The following GREB1 variants were observed in gnomAD, a reference collection of about 807,000 sequenced individuals.
GREB1 encodes protein GREB1.
A neutral mutation model predicts 200.7 loss-of-function variants in GREB1; 106 were observed. The ratio of observed to expected loss-of-function variants is 0.53; its 90% CI spans 0.45 to 0.62. GREB1 has a LOEUF of 0.62. Ranked by LOEUF, GREB1 falls within the 20% of genes least tolerant of loss-of-function variation. The pLI is 0.00. For missense variants in GREB1, 2,243 were observed against 2,556.8 expected (o/e 0.88, Z 2.65); for synonymous variants, 1,132 against 1,092.4 (o/e 1.04, Z -0.72).
At chr2:11,515,070 CCT>C (rs1205152878) in intron 1 of GREB1, among the ~76,000 whole-genome samples, 1 of 151,390 alleles carries the variant, frequency 6.6e-6, no homozygotes, top group East Asian at 1.9e-4. Context: ...ATGTATCCAT[CCT>C]CTCATCTCTT....
intron 1 of GREB1, among the ~76,000 whole-genome samples, chr2:11,544,509 C>T (rs960060895): frequency 6.6e-6 from 1 of 152,188 alleles, no homozygotes; most frequent in African/African-American, 2.4e-5. Flanking sequence ...AGCCACTGCG[C>T]CCGGCCGAGC....
intron 1 of GREB1, among the ~76,000 whole-genome samples, chr2:11,513,929 C>G (rs971632941): frequency 2.6e-5 from 4 of 152,156 alleles, no homozygotes. Context: ...GCTAGGCTTC[C>G]GGGTTGTAGA....
At chr2:11,499,368 G>C (rs1419070642) in intron 1 of GREB1, among the ~76,000 whole-genome samples, 1 of 152,232 alleles carries the variant, frequency 6.6e-6, no homozygotes, top group African/African-American at 2.4e-5. Context: ...TTTTGTTTCC[G>C]CTGGTCAGCC....
chr2:11,614,982 C>T, intron 19 of GREB1, 109 bp from the exon 20 acceptor site: 1 of 816,680 alleles, frequency 1.2e-6, no homozygotes, highest in Admixed American at 1.9e-5. Context: ...TCCTTGGGTC[C>T]TCACCAGGAA....
At chr2:11,550,423 C>G (rs1192850026) in intron 1 of GREB1, among the ~76,000 whole-genome samples, 3 of 152,176 alleles carry the variant, frequency 2.0e-5, no homozygotes, top group African/African-American at 7.2e-5. Flanking sequence ...GTCAATTTCC[C>G]TGTTTTCACC....
intron 31 of GREB1, among the ~76,000 whole-genome samples, 174 bp from the exon 32 acceptor site, chr2:11,638,497 A>G (rs1337771228): frequency 6.6e-6 from 1 of 152,226 alleles, no homozygotes; most frequent in African/African-American, 2.4e-5. Context: ...TAAAACTTCC[A>G]GAATTTATTT....
At chr2:11,552,137 C>T (rs1171313733) in intron 1 of GREB1, among the ~76,000 whole-genome samples, 3 of 152,212 alleles carry the variant, frequency 2.0e-5, no homozygotes, top group Non-Finnish European at 2.9e-5. Context: ...CTAGTACAGC[C>T]AGGCTTTTGT....
At chr2:11,578,964 G>A (rs1031740076) in intron 6 of GREB1, among the ~76,000 whole-genome samples, 2 of 152,204 alleles carry the variant, frequency 1.3e-5, no homozygotes, top group African/African-American at 4.8e-5. Flanking sequence ...GAGGCAAGAG[G>A]TGACATTAGA....
intron 22 of GREB1, 108 bp downstream of exon 22, chr2:11,619,027 C>T: frequency 9.1e-7 from 1 of 1,103,194 alleles, no homozygotes; most frequent in Non-Finnish European, 1.2e-6. Flanking sequence ...CACTTTTCAC[C>T]CTTCCCGTGG....
chr2:11,591,177 C>A (rs1680693187), intron 10 of GREB1, among the ~76,000 whole-genome samples: 1 of 152,154 alleles, frequency 6.6e-6, no homozygotes, highest in Admixed American at 6.5e-5. Context: ...ATTTGATTAG[C>A]TAATTCAAGT....
Position 11,580,653 on chromosome 2 carries a change from C to G in GREB1, c.773-51C>G. 2 of 1,547,774 alleles carry G rather than the reference C, an allele frequency of 1.3e-6. No homozygotes were observed. The highest frequency in any genetic ancestry group is 2.5e-5 in the South Asian group (2 of 80,002). On this transcript the variant is annotated intron_variant, in intron 6 of 32. Transcript: ENST00000381486. This position sits in a 1 kb window ranked among gnomAD's most constrained non-coding sequence, Gnocchi z 4.5. ...AATGATTTCCTCCTTGCCTGGCTCC[C>G]AGGGCATTCTTGTGAACTGACCCTC...
chr2:11,562,980 C>CTTTCTTTTT (rs1553356357), intron 3 of GREB1: 1 of 147,964 alleles, frequency 6.8e-6, no homozygotes, highest in African/African-American at 2.5e-5. Context: ...TTCTTTCTTT[C>CTTTCTTTTT]TTTTTTTTTT....
At chr2:11,612,410 T>C in intron 18 of GREB1, 85 bp from the exon 19 acceptor site, 1 of 1,492,192 alleles carries the variant, frequency 6.7e-7, no homozygotes, top group Non-Finnish European at 9.1e-7. Flanking sequence ...TTTAAATTGG[T>C]GTGGGAGGCC....
chr2:11,498,567 A>G (rs1205269232), intron 1 of GREB1, among the ~76,000 whole-genome samples: 1 of 152,176 alleles, frequency 6.6e-6, no homozygotes, highest in Non-Finnish European at 1.5e-5. Flanking sequence ...GGACACCGTG[A>G]GTCAGAACTG....
chr2:11,524,256 GA>G (rs1177694924), intron 1 of GREB1, among the ~76,000 whole-genome samples: 1 of 152,232 alleles, frequency 6.6e-6, no homozygotes. Context: ...TCAACAGTCT[GA>G]AGGAGGTGGG....
Position 11,578,385 on chromosome 2 carries a change from C to T in GREB1, c.726C>T (p.Pro242=), listed in dbSNP as rs1166381935. Residue 242 remains proline, a synonymous_variant, in exon 6 of 33, where the codon CCC becomes CCT. Transcript: ENST00000381486. ...LESTAAFPSE[P]VPGTNPSILM... ...GCACGGCTGCCTTCCCCAGCGAGCC[C>T]GTTCCTGGGACGAACCCCAGCATCC... The T allele has an allele frequency of 9.9e-6, 16 of 1,613,908 alleles. No homozygotes were observed. Among genetic ancestry groups the T allele is most frequent in the Middle Eastern group, 1.6e-4 (1 of 6,084 alleles).
intron 1 of GREB1, among the ~76,000 whole-genome samples, chr2:11,495,089 C>T (rs1302044839): frequency 1.3e-5 from 2 of 152,158 alleles, no homozygotes; most frequent in African/African-American, 4.8e-5. Flanking sequence ...GATTGGTCTT[C>T]CTGGGGAATC....
chr2:11,576,593 G>C (rs1678881071), intron 5 of GREB1, 58 bp downstream of exon 5: 10 of 1,330,588 alleles, frequency 7.5e-6, no homozygotes, highest in Non-Finnish European at 1.1e-5. Flanking sequence ...GTGGGCCGTG[G>C]TGCCTGTCGG....
chr2:11,484,324 A>G (rs1303442529), intron 1 of GREB1, among the ~76,000 whole-genome samples: 2 of 152,204 alleles, frequency 1.3e-5, no homozygotes, highest in African/African-American at 4.8e-5. Context: ...AGATCTTTCT[A>G]CAGGTCTTTT....
Sources: gnomAD v4.1 joint callset for allele counts (sites outside exome capture counted in the v4.1 genomes callset) on GRCh38, gnomAD v4.1.1 for gene constraint, Gnocchi (gnomAD v3.1) non-coding constraint, MANE v1.5 for transcripts, NCBI Gene and HGNC (gene_info 2026-07-23, HGNC 2026-07-21) for gene names.